DAPK1: variants seen among roughly 807,000 people sequenced by gnomAD.
The protein encoded by DAPK1 is death-associated protein kinase 1.
DAPK1 carries 56 observed loss-of-function variants against 144.9 expected under a neutral mutation model. That is an observed-to-expected ratio of 0.39 (90% CI 0.31 to 0.48). DAPK1 has a LOEUF of 0.48. Among genes scored for constraint, DAPK1 ranks in the 20% least tolerant of loss-of-function variants. The probability of loss-of-function intolerance (pLI) is 0.95; values close to 1 mark genes in which losing one functional copy is unlikely to be tolerated. For synonymous variants in DAPK1, 690 were observed against 749.0 expected (o/e 0.92, Z 1.29); for missense variants, 1,454 against 1,875.4 (o/e 0.78, Z 4.15).
intron 18 of DAPK1, among the ~76,000 whole-genome samples, chr9:87,661,403 G>GC (rs1830842716): frequency 6.6e-6 from 1 of 152,140 alleles, no homozygotes; most frequent in Non-Finnish European, 1.5e-5. Flanking sequence ...ATTTCTCTAT[G>GC]TTTTCCATAG....
chr9:87,567,849 G>A (rs996643077), intron 2 of DAPK1, among the ~76,000 whole-genome samples: 8 of 152,214 alleles, frequency 5.3e-5, no homozygotes, highest in South Asian at 4.1e-4. Context: ...ATTGGCTAGC[G>A]ATCGTTTCCA....
At chr9:87,576,835 C>A (rs1827580307) in intron 2 of DAPK1, among the ~76,000 whole-genome samples, 1 of 152,186 alleles carries the variant, frequency 6.6e-6, no homozygotes, top group Admixed American at 6.5e-5. Context: ...GCTGAGATTA[C>A]AGGCGTGAGC....
chr9:87,568,964 A>G (rs1487942398), intron 2 of DAPK1, among the ~76,000 whole-genome samples: 2 of 152,220 alleles, frequency 1.3e-5, no homozygotes, highest in Non-Finnish European at 2.9e-5. Flanking sequence ...GAATCCAGCT[A>G]ACTTAGTAGG....
At chr9:87,605,936 C>T (rs559734836) in intron 3 of DAPK1, among the ~76,000 whole-genome samples, 67 of 152,234 alleles carry the variant, frequency 4.4e-4, no homozygotes, top group Middle Eastern at 3.4e-3. Flanking sequence ...GCTCTGTCTC[C>T]GGGCTTTTGG....
At chr9:87,501,507 TGCCCTCCA>T (rs1210050349) in intron 2 of DAPK1, among the ~76,000 whole-genome samples, 2 of 151,814 alleles carry the variant, frequency 1.3e-5, no homozygotes, top group Admixed American at 6.6e-5. Flanking sequence ...ATCGCGCCAC[TGCCCTCCA>T]GCCTGGGTGA....
intron 15 of DAPK1, among the ~76,000 whole-genome samples, chr9:87,649,341 C>A (rs1310637437): frequency 1.3e-5 from 2 of 152,190 alleles, no homozygotes; most frequent in Non-Finnish European, 2.9e-5. Context: ...CCTGAAGATA[C>A]AGGCCTCACG....
At chr9:87,658,657 C>G (rs994614468) in intron 18 of DAPK1, among the ~76,000 whole-genome samples, 5 of 152,226 alleles carry the variant, frequency 3.3e-5, no homozygotes, top group Admixed American at 6.5e-5. Context: ...TCACTCCCTG[C>G]TCCCGATGCC....
rs1312422399 is a variant in DAPK1, at chr9:87,669,358, G to A, written c.2001+684G>A. ...TTGCTTGGGGTGGGGGGGGGTCACT[G>A]GGCTTCAAAGCAGAAGACAGATTGT... On this transcript the variant is annotated intron_variant, in intron 19 of 25. Coordinates refer to ENST00000408954, the MANE Select transcript of DAPK1 (RefSeq NM_004938.4). Among the ~76,000 whole-genome samples the A allele has an allele frequency of 6.9e-5, 8 of 116,370 alleles. No homozygotes were observed. The East Asian group carries it at 1.8e-3, about 26-fold the overall frequency. 76.3% of individuals were successfully genotyped at this position (116,370 alleles called of 152,430 possible).
intron 19 of DAPK1, among the ~76,000 whole-genome samples, chr9:87,674,357 T>A (rs984877653): frequency 2.6e-5 from 4 of 151,382 alleles, no homozygotes; most frequent in Non-Finnish European, 5.9e-5. Flanking sequence ...AAATTAAAAT[T>A]AAAATAAATT....
intron 3 of DAPK1, among the ~76,000 whole-genome samples, chr9:87,619,246 T>C (rs769329128): frequency 2.0e-5 from 3 of 152,228 alleles, no homozygotes; most frequent in Non-Finnish European, 4.4e-5. Context: ...GTGTGTCGAT[T>C]ATAGCACATA....
chr9:87,706,233 A>G lies in DAPK1; in HGVS notation c.3162A>G (p.Pro1054=). The G allele has an allele frequency of 1.9e-6, 3 of 1,613,678 alleles. No individual in the cohort carries two copies. The highest frequency in any genetic ancestry group is 2.2e-5 in the South Asian group (2 of 91,068). The change falls in exon 26 of 26, where the codon CCA becomes CCG. Residue 1054 remains proline (P), a synonymous_variant. Transcript: ENST00000408954. This position sits in a 1 kb window ranked among gnomAD's most constrained non-coding sequence, Gnocchi z 9.0. The part of the protein sequence containing the change: ...VLGKLLSVET[P]RALHHYRGRY... ...GGAAGTTGCTGTCCGTGGAGACCCC[A>G]CGGGCGCTGCACCACTACCGGGGCC...
rs1830241255 is a variant in DAPK1, at chr9:87,645,673, GAT to G, written c.1012-219_1012-218del. ...TGTGTCTCTGGGCTATACTGCAGGTGATATTAAAGCCCAGATAAAGAGTAGAT... is the reference window on the plus strand; with the variant it reads ...TGTGTCTCTGGGCTATACTGCAGGTGATTAAAGCCCAGATAAAGAGTAGAT... On this transcript the variant is annotated intron_variant, in intron 11 of 25. Coordinates refer to ENST00000408954, the MANE Select transcript of DAPK1 (RefSeq NM_004938.4). 2.0e-5 allele frequency among the ~76,000 whole-genome samples: 3 copies of G among 152,314 alleles called. No individual in the cohort carries two copies. The South Asian group carries it at 6.2e-4, about 32-fold the overall frequency.
chr9:87,561,972 G>GAGCTGCC (rs751947866), intron 2 of DAPK1, among the ~76,000 whole-genome samples: 30 of 152,266 alleles, frequency 2.0e-4, no homozygotes, highest in Non-Finnish European at 3.2e-4. Context: ...GCATCCCTGT[G>GAGCTGCC]AGCTGCCTGC....
chr9:87,658,849 G>T (rs554604563), intron 18 of DAPK1, among the ~76,000 whole-genome samples: 2 of 152,196 alleles, frequency 1.3e-5, no homozygotes, highest in African/African-American at 4.8e-5. Flanking sequence ...GACAGTCCTG[G>T]ACTCACAGAT....
intron 3 of DAPK1, among the ~76,000 whole-genome samples, chr9:87,623,878 C>T (rs1471187179): frequency 6.6e-6 from 1 of 152,134 alleles, no homozygotes; most frequent in African/African-American, 2.4e-5. Context: ...GGAGGTAACA[C>T]TTTGTTCCTG....
intron 24 of DAPK1, among the ~76,000 whole-genome samples, chr9:87,700,924 A>C (rs1464898839): frequency 2.6e-5 from 4 of 152,256 alleles, no homozygotes; most frequent in African/African-American, 4.8e-5. Context: ...GAACAAAGGG[A>C]ATGAGACTGT....
Position 87,686,444 on chromosome 9 carries a change from G to A in DAPK1, c.2225-107G>A. ...CTCAGCCTGAAGCCAGAGTTGGGGT[G>A]GGGACAGAGGCGTGCTCCAGAAAAG... On this transcript the variant is annotated intron_variant, in intron 20 of 25. Transcript: ENST00000408954. This position sits in a 1 kb window ranked among gnomAD's most constrained non-coding sequence, Gnocchi z 4.2. The A allele has an allele frequency of 1.5e-6, 1 of 657,736 alleles. No homozygotes were observed. Among genetic ancestry groups the A allele is most frequent in the Non-Finnish European group, 2.7e-6 (1 of 363,804 alleles). 40.7% of individuals were successfully genotyped at this position (657,736 alleles called of 1,614,324 possible). A position where few individuals can be genotyped will look rare whatever the true frequency, so the allele number is the denominator to read the frequency against.
intron 2 of DAPK1, among the ~76,000 whole-genome samples, chr9:87,527,874 T>C (rs1825569723): frequency 6.6e-6 from 1 of 152,224 alleles, no homozygotes; most frequent in Admixed American, 6.5e-5. Context: ...GAAGCAATCT[T>C]ATGGCTGAGA....
At chr9:87,557,591 A>C (rs1474690941) in intron 2 of DAPK1, among the ~76,000 whole-genome samples, 1 of 152,106 alleles carries the variant, frequency 6.6e-6, no homozygotes, top group Non-Finnish European at 1.5e-5. Flanking sequence ...TCCTGTTAAA[A>C]CATTACTCAT....
Sources: allele counts gnomAD v4.1 joint callset (sites outside exome capture counted in the v4.1 genomes callset), GRCh38; gene constraint gnomAD v4.1.1; non-coding constraint Gnocchi (gnomAD v3.1); transcripts MANE v1.5; gene names NCBI Gene and HGNC (gene_info 2026-07-23, HGNC 2026-07-21).